RPS6KA5: variants seen among roughly 807,000 people sequenced by gnomAD.
The protein encoded by RPS6KA5 is ribosomal protein S6 kinase A5, also known as ribosomal protein S6 kinase alpha-5.
Under a neutral mutation model 85.5 loss-of-function variants are expected in RPS6KA5, and 27 were observed. That is an observed-to-expected ratio of 0.32 (90% CI 0.23 to 0.44). RPS6KA5 has a LOEUF of 0.44. Ranked by LOEUF, RPS6KA5 falls within the 20% of genes least tolerant of loss-of-function variation. The pLI, the probability that RPS6KA5 is intolerant of heterozygous loss-of-function variation, is 1.00. For synonymous variants in RPS6KA5, 334 were observed against 348.2 expected (o/e 0.96, Z 0.46); for missense variants, 811 against 980.9 (o/e 0.83, Z 2.31).
intron 2 of RPS6KA5, among the ~76,000 whole-genome samples, chr14:91,000,080 G>C (rs1566847091): frequency 6.6e-6 from 1 of 152,158 alleles, no homozygotes; most frequent in East Asian, 1.9e-4. Flanking sequence ...AAAGTGCTGT[G>C]GTGGCATAAG....
Position 90,985,210 on chromosome 14 carries a change from T to C in RPS6KA5, c.176-6686A>G, listed in dbSNP as rs574678954. Among the ~76,000 whole-genome samples the C allele has an allele frequency of 9.2e-5, 14 of 152,352 alleles. 1 individual carries two copies. The highest frequency in any genetic ancestry group is 3.4e-4 in the African/African-American group (14 of 41,578). On this transcript the variant is annotated intron_variant, in intron 2 of 16. Transcript: ENST00000614987. ...TGCCCACCTCGGCCTCCCAAAGTGC[T>C]GGGATTACAGGTGTGAGCCACTGCG...
At chr14:90,875,178 G>A (rs992250584) in intron 15 of RPS6KA5, 23 bp downstream of exon 15, 15 of 1,600,688 alleles carry the variant, frequency 9.4e-6, no homozygotes, top group Non-Finnish European at 1.7e-6. Context: ...CATATAAAAT[G>A]TAAAATTTCA....
At chr14:90,963,848 A>T (rs1490276289) in intron 3 of RPS6KA5, among the ~76,000 whole-genome samples, 2 of 152,204 alleles carry the variant, frequency 1.3e-5, no homozygotes, top group Non-Finnish European at 2.9e-5. Flanking sequence ...AGAGAAAAAT[A>T]CATGTTCACC....
intron 3 of RPS6KA5, among the ~76,000 whole-genome samples, chr14:90,948,063 G>T (rs939015587): frequency 1.5e-4 from 23 of 152,246 alleles, no homozygotes; most frequent in Admixed American, 1.5e-3. Flanking sequence ...TAGCCCAATA[G>T]TATAAGTATT....
intron 3 of RPS6KA5, among the ~76,000 whole-genome samples, chr14:90,976,204 A>AGG (rs2039563219): frequency 4.6e-5 from 1 of 21,870 alleles, no homozygotes; most frequent in African/African-American, 9.9e-5. Context: ...AGAGAACAGA[A>AGG]AAAAAAAAAA....
chr14:90,937,948 C>T (rs1040472266), intron 5 of RPS6KA5, among the ~76,000 whole-genome samples: 5 of 152,140 alleles, frequency 3.3e-5, no homozygotes, highest in Non-Finnish European at 5.9e-5. Flanking sequence ...TCATGCCTTC[C>T]CATCAGTCCC....
intron 5 of RPS6KA5, among the ~76,000 whole-genome samples, chr14:90,930,258 C>T (rs768570739): frequency 6.6e-6 from 1 of 152,108 alleles, no homozygotes; most frequent in Non-Finnish European, 1.5e-5. Context: ...AAAACAGACT[C>T]GTAAGTATGC....
chr14:90,983,301 G>GA (rs2039887454), intron 2 of RPS6KA5, among the ~76,000 whole-genome samples: 1 of 149,090 alleles, frequency 6.7e-6, no homozygotes. Context: ...AAGAAAGAAA[G>GA]AAAAAAATAT....
chr14:90,960,034 T>A (rs1484701786), intron 3 of RPS6KA5, among the ~76,000 whole-genome samples: 1 of 152,092 alleles, frequency 6.6e-6, no homozygotes, highest in Non-Finnish European at 1.5e-5. Flanking sequence ...AGTGCCACAC[T>A]CCCTCTCAGC....
intron 1 of RPS6KA5, among the ~76,000 whole-genome samples, chr14:91,010,983 C>A (rs1355488888): frequency 6.6e-6 from 1 of 152,084 alleles, no homozygotes; most frequent in Admixed American, 6.5e-5. Flanking sequence ...GAAGGAAGTA[C>A]CAGAGAAGCA....
intron 3 of RPS6KA5, among the ~76,000 whole-genome samples, chr14:90,969,847 C>T (rs1278909947): frequency 6.6e-6 from 1 of 152,072 alleles, no homozygotes; most frequent in Non-Finnish European, 1.5e-5. Flanking sequence ...ATTCAGACCA[C>T]TTCTCTCTTT....
chr14:90,922,412 T>C (rs1407959849), intron 6 of RPS6KA5, among the ~76,000 whole-genome samples: 1 of 152,202 alleles, frequency 6.6e-6, no homozygotes, highest in Admixed American at 6.5e-5. Flanking sequence ...TGTGGTTCAC[T>C]TGTATCCTAA....
intron 3 of RPS6KA5, 151 bp downstream of exon 3, chr14:90,978,155 C>T (rs1473017366): frequency 9.2e-6 from 5 of 545,816 alleles, no homozygotes; most frequent in Non-Finnish European, 1.6e-5. Flanking sequence ...CAGAGCAATG[C>T]ATGATATTCC....
In RPS6KA5 at chr14:90,858,789, C is replaced by A. The variant is rs1279797144; in HGVS notation, c.*13285G>T. ...ACTTCTTCAAGGCACTGCAAATTCA[C>A]AACACAGGGAAATAAATACCTAGCA... is the stretch of plus-strand genomic sequence containing the variant. On this transcript the variant is annotated 3_prime_UTR_variant, in exon 17 of 17. Transcript: ENST00000614987. 5.3e-5 allele frequency: 8 copies of A among 152,314 alleles called. No homozygotes were observed. In the East Asian group the frequency reaches 1.5e-3, roughly 29 times the overall value. 9.4% of individuals were successfully genotyped at this position (152,314 alleles called of 1,614,324 possible).
chr14:91,003,380 A>G (rs1239534444), intron 1 of RPS6KA5, among the ~76,000 whole-genome samples: 1 of 152,208 alleles, frequency 6.6e-6, no homozygotes, highest in East Asian at 1.9e-4. Context: ...AATTAATTAC[A>G]CTTTCTTTTA....
chr14:90,878,534 T>C (rs1261416224), intron 14 of RPS6KA5, among the ~76,000 whole-genome samples: 1 of 152,244 alleles, frequency 6.6e-6, no homozygotes. Context: ...GCTCTTCTAA[T>C]ATCTATAGTG....
At chr14:91,030,402 G>A (rs1595510421) in intron 1 of RPS6KA5, among the ~76,000 whole-genome samples, 1 of 152,022 alleles carries the variant, frequency 6.6e-6, no homozygotes. Context: ...AAGAAGTCCA[G>A]AGGATCCTTT....
chr14:90,886,783 G>A (rs953533488), intron 14 of RPS6KA5, among the ~76,000 whole-genome samples: 3 of 152,178 alleles, frequency 2.0e-5, no homozygotes, highest in African/African-American at 4.8e-5. Flanking sequence ...TTAATATACC[G>A]TGTAAGCTCT....
At chr14:90,899,299 T>G (rs2035018605) in intron 12 of RPS6KA5, 30 bp downstream of exon 12, 3 of 1,064,548 alleles carry the variant, frequency 2.8e-6, no homozygotes, top group African/African-American at 2.9e-5. Context: ...TTAGTACACA[T>G]GGGAAAAAAA....
Sources: allele counts gnomAD v4.1 joint callset (sites outside exome capture counted in the v4.1 genomes callset), GRCh38; gene constraint gnomAD v4.1.1; transcripts MANE v1.5; gene names NCBI Gene and HGNC (gene_info 2026-07-23, HGNC 2026-07-21).